Variants in UNC5C observed in about 807,000 individuals in gnomAD.
UNC5C encodes netrin receptor UNC5C.
In UNC5C, 47 loss-of-function variants were observed where a neutral mutation model predicts 99.8. That is an observed-to-expected ratio of 0.47 (90% CI 0.37 to 0.60). The LOEUF is 0.60. Among genes scored for constraint, UNC5C ranks in the 20% least tolerant of loss-of-function variants. The pLI is 0.00. For missense variants in UNC5C, 1,062 were observed against 1,165.9 expected (o/e 0.91, Z 1.30); for synonymous variants, 487 against 452.2 (o/e 1.08, Z -0.98).
intron 2 of UNC5C, among the ~76,000 whole-genome samples, chr4:95,307,115 T>C (rs1231858589): frequency 6.6e-6 from 1 of 151,996 alleles, no homozygotes; most frequent in Non-Finnish European, 1.5e-5. Flanking sequence ...GTAATTAAAG[T>C]GTGATAACTT....
intron 4 of UNC5C, among the ~76,000 whole-genome samples, chr4:95,267,015 G>A (rs1740472181): frequency 6.6e-6 from 1 of 152,150 alleles, no homozygotes; most frequent in African/African-American, 2.4e-5. Context: ...CTTGTATTTA[G>A]AGTGTATATA....
intron 1 of UNC5C, among the ~76,000 whole-genome samples, chr4:95,463,444 G>T (rs2149471842): frequency 6.6e-6 from 1 of 152,204 alleles, no homozygotes; most frequent in East Asian, 1.9e-4. Context: ...CAGAGACTGA[G>T]GCTCAGAGTC....
chr4:95,401,721 G>A (rs556371994), intron 1 of UNC5C, among the ~76,000 whole-genome samples: 3 of 152,282 alleles, frequency 2.0e-5, no homozygotes, highest in African/African-American at 4.8e-5. Context: ...CCTACTTGGG[G>A]CATAACAAGT....
intron 2 of UNC5C, among the ~76,000 whole-genome samples, chr4:95,318,122 C>T (rs1385302824): frequency 2.0e-5 from 3 of 152,072 alleles, no homozygotes; most frequent in Non-Finnish European, 4.4e-5. Flanking sequence ...ATATGTTCAC[C>T]TTGAAAAATA....
chr4:95,223,405 G>T (rs1738549923), intron 7 of UNC5C, among the ~76,000 whole-genome samples: 2 of 152,256 alleles, frequency 1.3e-5, no homozygotes, highest in East Asian at 1.9e-4. Flanking sequence ...CAAAATGAAA[G>T]GTCTATAAAG....
chr4:95,458,284 G>T (rs1230674670), intron 1 of UNC5C, among the ~76,000 whole-genome samples: 1 of 151,946 alleles, frequency 6.6e-6, no homozygotes, highest in African/African-American at 2.4e-5. Flanking sequence ...GAAAATAGGG[G>T]TAACTGAGAT....
intron 2 of UNC5C, among the ~76,000 whole-genome samples, chr4:95,331,308 G>T (rs764191566): frequency 1.2e-4 from 19 of 152,088 alleles, no homozygotes; most frequent in Non-Finnish European, 2.5e-4. Context: ...TTGATGTAAT[G>T]ATTTCTTTTC....
chr4:95,372,003 C>A (rs1368264423), intron 1 of UNC5C, among the ~76,000 whole-genome samples: 3 of 152,170 alleles, frequency 2.0e-5, no homozygotes, highest in Non-Finnish European at 2.9e-5. Context: ...TGTTTCCTAT[C>A]AATTGCCTCT....
chr4:95,401,622 A>G (rs1180023412), intron 1 of UNC5C, among the ~76,000 whole-genome samples: 3 of 152,304 alleles, frequency 2.0e-5, no homozygotes, highest in Admixed American at 6.5e-5. Flanking sequence ...TTTAATACAG[A>G]TTGGGTAATA....
At chr4:95,404,419 C>T (rs974081921) in intron 1 of UNC5C, among the ~76,000 whole-genome samples, 6 of 152,020 alleles carry the variant, frequency 3.9e-5, no homozygotes, top group African/African-American at 1.4e-4. Context: ...AATCATATTC[C>T]AAGGCCATAA....
intron 1 of UNC5C, among the ~76,000 whole-genome samples, chr4:95,475,430 C>T (rs1748113185): frequency 6.6e-6 from 1 of 151,848 alleles, no homozygotes; most frequent in African/African-American, 2.4e-5. Flanking sequence ...TGAGAGAATT[C>T]AATGATGGCG....
At chr4:95,186,684 C>T (rs113549518) in intron 12 of UNC5C, among the ~76,000 whole-genome samples, 4,434 of 152,236 alleles carry the variant, frequency 0.029, 70 homozygotes, top group Middle Eastern at 0.068. Context: ...TAGTTAGTAT[C>T]TAATGGAAGA....
At chr4:95,189,335 G>A (rs1355208888) in intron 12 of UNC5C, among the ~76,000 whole-genome samples, 1 of 152,196 alleles carries the variant, frequency 6.6e-6, no homozygotes, top group African/African-American at 2.4e-5. Flanking sequence ...AGCACAGGCT[G>A]GAGTGCAGTG....
intron 1 of UNC5C, among the ~76,000 whole-genome samples, chr4:95,355,645 A>T (rs1744155597): frequency 6.6e-6 from 1 of 151,720 alleles, no homozygotes; most frequent in African/African-American, 2.4e-5. Context: ...TATCTGAACA[A>T]GTTTCTGTGC....
At chr4:95,489,999 G>C (rs866929867) in intron 1 of UNC5C, among the ~76,000 whole-genome samples, 1 of 151,446 alleles carries the variant, frequency 6.6e-6, no homozygotes, top group Non-Finnish European at 1.5e-5. Flanking sequence ...CAGAACCATG[G>C]CACACAACTG....
At chr4:95,312,651 A>G (rs771170253) in intron 2 of UNC5C, among the ~76,000 whole-genome samples, 22 of 152,152 alleles carry the variant, frequency 1.4e-4, no homozygotes, top group Admixed American at 2.6e-4. Context: ...TCTGAATCCA[A>G]TGTTCCTATT....
At position 95,548,557 on chromosome 4, in the gene UNC5C, A is replaced by ATT. The variant is rs1560502416; in HGVS notation, c.124+176_124+177insAA. ...ATAGATTAAACATAATAATAATAAT[A>ATT]ATTATTATTATTATAATCAAAGCTT... On this transcript the variant is annotated intron_variant, in intron 1 of 15. Coordinates refer to ENST00000453304, the MANE Select transcript of UNC5C (RefSeq NM_003728.4). Among the ~76,000 whole-genome samples the ATT allele has an allele frequency of 3.3e-3, 498 of 149,998 alleles. 6 individuals are homozygous for ATT. Among genetic ancestry groups the ATT allele is most frequent in the African/African-American group, 0.012 (475 of 40,952 alleles).
At chr4:95,543,122 C>T (rs1679479906) in intron 1 of UNC5C, among the ~76,000 whole-genome samples, 1 of 152,008 alleles carries the variant, frequency 6.6e-6, no homozygotes, top group Non-Finnish European at 1.5e-5. Flanking sequence ...TGTAGCCCTC[C>T]TCCACAAATA....
chr4:95,321,481 A>G lies in UNC5C; in HGVS notation c.346+13929T>C, dbSNP rs376759819. 1.6e-4 allele frequency among the ~76,000 whole-genome samples: 25 copies of G among 151,674 alleles called. No homozygotes were observed. The South Asian group carries it at 4.4e-3, about 27-fold the overall frequency. ...TAATAGAAGCAACTGCAACAAATAC[A>G]TAAGTTCTAGAACTCTGATCTAACT... On this transcript the variant is annotated intron_variant, in intron 2 of 15. Transcript: ENST00000453304.
Sources: gnomAD v4.1 joint callset for allele counts (sites outside exome capture counted in the v4.1 genomes callset) on GRCh38, gnomAD v4.1.1 for gene constraint, MANE v1.5 for transcripts, NCBI Gene and HGNC (gene_info 2026-07-23, HGNC 2026-07-21) for gene names.